Variants in ABCB7 observed in about 807,000 individuals in gnomAD.
The protein encoded by ABCB7 is ATP binding cassette subfamily B member 7.
A neutral mutation model predicts 54.4 loss-of-function variants in ABCB7; 7 were observed. That is an observed-to-expected ratio of 0.13 (90% confidence interval 0.07 to 0.24). The LOEUF is 0.24. Among genes scored for constraint, ABCB7 ranks in the 10% least tolerant of loss-of-function variants. The pLI, the probability that ABCB7 is intolerant of heterozygous loss-of-function variation, is 1.00. For missense variants in ABCB7, 356 were observed against 570.4 expected, an observed-to-expected ratio of 0.62 and a Z score of 3.83; for synonymous variants, 218 against 207.1, an observed-to-expected ratio of 1.05 and a Z score of -0.45.
intron 1 of ABCB7, among the ~76,000 whole-genome samples, chrX:75,146,461 C>A (rs2147577249): frequency 9.0e-6 from 1 of 111,713 alleles, no homozygotes; most frequent in Non-Finnish European, 1.9e-5. Flanking sequence ...GGTACTGGTA[C>A]AAAAACAGAC....
intron 6 of ABCB7, among the ~76,000 whole-genome samples, chrX:75,075,090 C>T (rs1192127787): frequency 1.8e-5 from 2 of 111,464 alleles, no homozygotes; most frequent in Non-Finnish European, 3.8e-5. Flanking sequence ...ATGTCATATA[C>T]AAAAATCTCT....
At position 75,134,847 on chromosome X, in the gene ABCB7, A is replaced by T. The variant is rs142522505; in HGVS notation, c.169-20016T>A. 5.3e-3 allele frequency among the ~76,000 whole-genome samples: 587 copies of T among 111,741 alleles called. 5 individuals carry two copies. The highest frequency in any genetic ancestry group is 0.018 in the African/African-American group (555 of 30,825). On this transcript the variant is annotated intron_variant, in intron 1 of 15. Transcript: ENST00000373394. ...ACGCAGTGTTATGATGAAAACTTAG[A>T]GTGCTAAATGCCCACATCAAAAAGT...
chrX:75,085,853 T>A (rs983315010), intron 4 of ABCB7, among the ~76,000 whole-genome samples: 30 of 89,208 alleles, frequency 3.4e-4, no homozygotes, highest in Non-Finnish European at 4.9e-4. Context: ...CTTTAAATAT[T>A]TTTTTTTTTT....
chrX:75,133,976 CTTAA>C (rs1013747306), intron 1 of ABCB7, among the ~76,000 whole-genome samples: 5 of 111,727 alleles, frequency 4.5e-5, no homozygotes, highest in African/African-American at 1.6e-4. Context: ...AAATATGCAC[CTTAA>C]TTAATATTCA....
At chrX:75,063,713 C>T (rs1037362472) in intron 13 of ABCB7, among the ~76,000 whole-genome samples, 11 of 111,586 alleles carry the variant, frequency 9.9e-5, no homozygotes, top group Admixed American at 2.9e-4. Flanking sequence ...TTCTATTCAA[C>T]GGTATTTTGG....
chrX:75,104,059 T>G (rs1042194634), intron 3 of ABCB7, among the ~76,000 whole-genome samples: 10 of 61,919 alleles, frequency 1.6e-4, no homozygotes, highest in African/African-American at 4.0e-4. Flanking sequence ...TTTTTTTTTT[T>G]TTTTTTTTTT....
At chrX:75,055,573 A>C (rs922777227) in intron 15 of ABCB7, among the ~76,000 whole-genome samples, 1 of 106,344 alleles carries the variant, frequency 9.4e-6, no homozygotes, top group Non-Finnish European at 1.9e-5. Context: ...AAAAAAAAAA[A>C]AAAAAACAAC....
intron 2 of ABCB7, among the ~76,000 whole-genome samples, chrX:75,113,618 G>A (rs1278876809): frequency 9.0e-6 from 1 of 110,881 alleles, no homozygotes; most frequent in African/African-American, 3.3e-5. Flanking sequence ...CTTACACACG[G>A]GCAAGGTAAG....
chrX:75,061,693 A>C (rs2081283245), intron 14 of ABCB7, among the ~76,000 whole-genome samples: 1 of 112,011 alleles, frequency 8.9e-6, no homozygotes, highest in Non-Finnish European at 1.9e-5. Flanking sequence ...TTCTAGATTA[A>C]GGGGATATGA....
intron 4 of ABCB7, among the ~76,000 whole-genome samples, chrX:75,084,624 T>C (rs2081481569): frequency 9.0e-6 from 1 of 111,526 alleles, no homozygotes; most frequent in South Asian, 3.7e-4. Flanking sequence ...AAAAAAATAA[T>C]AAACTGAAAT....
intron 4 of ABCB7, among the ~76,000 whole-genome samples, chrX:75,087,458 T>C (rs6647088): frequency 0.029 from 3,210 of 111,990 alleles, 117 homozygotes; most frequent in African/African-American, 0.1. Flanking sequence ...GAAAATTAGG[T>C]CTAGGCAACA....
chrX:75,132,551 C>T (rs2081983083), intron 1 of ABCB7, among the ~76,000 whole-genome samples: 1 of 112,396 alleles, frequency 8.9e-6, no homozygotes, highest in Non-Finnish European at 1.9e-5. Context: ...CTCAGGAGTG[C>T]CAAACCAAGA....
intron 13 of ABCB7, among the ~76,000 whole-genome samples, chrX:75,064,396 T>C (rs1035105698): frequency 9.0e-6 from 1 of 111,260 alleles, no homozygotes; most frequent in Non-Finnish European, 1.9e-5. Flanking sequence ...CAAACTAAAC[T>C]AGACATTGCT....
intron 13 of ABCB7, chrX:75,062,690 A>G: frequency 3.0e-6 from 1 of 329,340 alleles, no homozygotes; most frequent in African/African-American, 2.6e-5. Flanking sequence ...GTAAGGTAAC[A>G]ACTTTGATTC....
intron 1 of ABCB7, among the ~76,000 whole-genome samples, chrX:75,117,168 C>T (rs2081828248): frequency 9.0e-6 from 1 of 111,128 alleles, no homozygotes; most frequent in Non-Finnish European, 1.9e-5. Context: ...GATCCAAGAA[C>T]CCTCTCTTGG....
At chrX:75,087,233 C>T (rs1244066439) in intron 4 of ABCB7, among the ~76,000 whole-genome samples, 2 of 111,578 alleles carry the variant, frequency 1.8e-5, no homozygotes, top group African/African-American at 6.5e-5. Context: ...CTTTCCTGCA[C>T]GAAGCCAAGA....
chrX:75,098,219 G>A (rs1281863877), intron 4 of ABCB7, among the ~76,000 whole-genome samples: 2 of 108,875 alleles, frequency 1.8e-5, no homozygotes, highest in African/African-American at 3.4e-5. Context: ...TGAGGCAGGA[G>A]AATTGCTTGA....
intron 1 of ABCB7, among the ~76,000 whole-genome samples, chrX:75,120,751 C>A (rs1052807912): frequency 7.3e-5 from 8 of 110,337 alleles, no homozygotes; most frequent in African/African-American, 2.6e-4. Context: ...AATAAAAGCC[C>A]CCTGGGAAAA....
intron 4 of ABCB7, 36 bp downstream of exon 4, chrX:75,098,896 GTAGTATTTCT>G (rs1390959004): frequency 2.5e-5 from 30 of 1,205,444 alleles, no homozygotes; most frequent in Non-Finnish European, 3.4e-5. Context: ...ACTAGAAAAT[GTAGTATTTCT>G]TAGTTAGAGC....
Sources: gnomAD v4.1 joint callset for allele counts (sites outside exome capture counted in the v4.1 genomes callset) on GRCh38, gnomAD v4.1.1 for gene constraint, MANE v1.5 for transcripts, NCBI Gene and HGNC (gene_info 2026-07-23, HGNC 2026-07-21) for gene names.